Variants in ARHGAP20 observed in about 807,000 individuals in gnomAD.
ARHGAP20 encodes Rho GTPase activating protein 20.
A neutral mutation model predicts 73.7 loss-of-function variants in ARHGAP20; 34 were observed. The ratio of observed to expected loss-of-function variants is 0.46; its 90% CI spans 0.35 to 0.61. ARHGAP20 has a LOEUF of 0.61. Among genes scored for constraint, ARHGAP20 ranks in the 20% least tolerant of loss-of-function variants. The pLI is 0.00. For missense variants in ARHGAP20, 1,314 were observed against 1,420.9 expected (o/e 0.92, Z 1.21); for synonymous variants, 523 against 518.2 (o/e 1.01, Z -0.13).
intron 1 of ARHGAP20, among the ~76,000 whole-genome samples, chr11:110,699,823 G>A (rs1284011840): frequency 6.6e-6 from 1 of 151,752 alleles, no homozygotes; most frequent in Non-Finnish European, 1.5e-5. Context: ...GTCCTCCTTA[G>A]GGTTTTCACA....
chr11:110,709,101 G>C (rs750192736), intron 1 of ARHGAP20, among the ~76,000 whole-genome samples: 2 of 152,164 alleles, frequency 1.3e-5, no homozygotes, highest in East Asian at 1.9e-4. Flanking sequence ...TTCTCTAAAC[G>C]AAGTTTTATT....
chr11:110,649,201 C>CTTTTTTTT (rs869156175), intron 2 of ARHGAP20, among the ~76,000 whole-genome samples: 1 of 87,088 alleles, frequency 1.1e-5, no homozygotes, highest in East Asian at 3.1e-4. Flanking sequence ...ATTATTAAAC[C>CTTTTTTTT]TTTTTTTTTT....
At chr11:110,586,405 G>T (rs1308751228) in intron 11 of ARHGAP20, 80 bp from the exon 12 acceptor site, 1 of 868,834 alleles carries the variant, frequency 1.2e-6, no homozygotes, top group Admixed American at 2.7e-5. Context: ...AAGACATTTT[G>T]TTGAAAAGTT....
intron 3 of ARHGAP20, 58 bp downstream of exon 3, chr11:110,630,570 T>C (rs528310929): frequency 1.3e-6 from 2 of 1,513,726 alleles, no homozygotes; most frequent in African/African-American, 1.4e-5. Context: ...AGAAAGGGTA[T>C]CTTTGTTAGT....
chr11:110,700,211 G>T (rs929152162), intron 1 of ARHGAP20, among the ~76,000 whole-genome samples: 1 of 151,872 alleles, frequency 6.6e-6, no homozygotes, highest in Non-Finnish European at 1.5e-5. Flanking sequence ...TTCATGCTTT[G>T]TTTTGTTCCA....
At chr11:110,650,486 A>G (rs752566673) in intron 2 of ARHGAP20, among the ~76,000 whole-genome samples, 1 of 152,066 alleles carries the variant, frequency 6.6e-6, no homozygotes, top group Admixed American at 6.6e-5. Flanking sequence ...CAGTAACCCA[A>G]TGGAATACAG....
At chr11:110,658,533 C>A (rs1260009289) in intron 2 of ARHGAP20, among the ~76,000 whole-genome samples, 1 of 152,064 alleles carries the variant, frequency 6.6e-6, no homozygotes, top group Non-Finnish European at 1.5e-5. Flanking sequence ...ATAATTTATG[C>A]CTGACAAGTA....
chr11:110,588,501 A>G (rs1947732529), intron 11 of ARHGAP20, among the ~76,000 whole-genome samples: 1 of 152,248 alleles, frequency 6.6e-6, no homozygotes, highest in South Asian at 2.1e-4. Context: ...AAAGCTTAAG[A>G]ACTTTTGCTA....
At chr11:110,711,634 C>T in intron 1 of ARHGAP20, 1 of 1,481,850 alleles carries the variant, frequency 6.7e-7, no homozygotes, top group Non-Finnish European at 8.9e-7. Context: ...CCGAGCCCAC[C>T]AGCGCCGCAG....
chr11:110,638,578 A>G (rs1312769316), intron 2 of ARHGAP20, among the ~76,000 whole-genome samples: 1 of 151,866 alleles, frequency 6.6e-6, no homozygotes, highest in East Asian at 1.9e-4. Flanking sequence ...TAATACATTG[A>G]TTTACTGGGG....
In ARHGAP20 at chr11:110,579,368, G is replaced by C; in HGVS notation, c.*2C>G. On this transcript the variant is annotated 3_prime_UTR_variant, in exon 15 of 15. Transcript: ENST00000683387. Reference sequence around the variant, plus strand: ...CTTGTGGACATCAGATTCTTACTATGCTTAAATGTCTTTGGTTAAATACCT... The same window carrying C: ...CTTGTGGACATCAGATTCTTACTATCCTTAAATGTCTTTGGTTAAATACCT... 4 of 1,582,820 alleles carry C rather than the reference G, an allele frequency of 2.5e-6. No homozygotes were observed. The highest frequency in any genetic ancestry group is 2.6e-6 in the Non-Finnish European group (3 of 1,158,098).
At position 110,712,408 on chromosome 11, in the gene ARHGAP20, C is replaced by A; in HGVS notation, c.-177G>T. On this transcript the variant is annotated 5_prime_UTR_variant, in exon 1 of 15. Transcript: ENST00000683387. ...CGTCGGGGCCATGTACCTCCGCCTG[C>A]GCTCGACACCGCGGGCTGGAGGCGA... The A allele has an allele frequency of 6.0e-6, 2 of 333,480 alleles. No homozygotes were observed. The highest frequency in any genetic ancestry group is 5.2e-5 in the Admixed American group (1 of 19,226). 20.7% of individuals were successfully genotyped at this position (333,480 alleles called of 1,614,324 possible).
rs1339352144 is a variant in ARHGAP20, at chr11:110,577,866, C to T, written c.*1504G>A. On this transcript the variant is annotated 3_prime_UTR_variant, in exon 15 of 15. Transcript: ENST00000683387. ...TTTTCCCCTATAACTGAAAATGCAA[C>T]CTTTAGAACAAAAAAGAAAGAACAT... is the stretch of plus-strand genomic sequence containing the variant. 6.1e-6 allele frequency: 6 copies of T among 985,458 alleles called. No individual in the cohort carries two copies. Among genetic ancestry groups the T allele is most frequent in the African/African-American group, 1.7e-5 (1 of 57,144 alleles). 61.0% of individuals were successfully genotyped at this position (985,458 alleles called of 1,614,324 possible). A position where few individuals can be genotyped will look rare whatever the true frequency, so the allele number is the denominator to read the frequency against.
chr11:110,621,397 CT>C (rs905195600), intron 4 of ARHGAP20, among the ~76,000 whole-genome samples: 1 of 151,830 alleles, frequency 6.6e-6, no homozygotes, highest in Admixed American at 6.6e-5. Context: ...GTATATTATA[CT>C]TTTTGATATA....
intron 2 of ARHGAP20, 144 bp downstream of exon 2, chr11:110,690,403 T>C (rs558258703): frequency 2.7e-6 from 2 of 737,794 alleles, no homozygotes; most frequent in Admixed American, 5.5e-5. Flanking sequence ...AGAACAAAAG[T>C]TGTATTTTCT....
At chr11:110,592,483 A>G (rs1947853287) in intron 9 of ARHGAP20, among the ~76,000 whole-genome samples, 1 of 152,224 alleles carries the variant, frequency 6.6e-6, no homozygotes, top group African/African-American at 2.4e-5. Flanking sequence ...AAAAGCAAAA[A>G]GCGTTTCATA....
intron 1 of ARHGAP20, among the ~76,000 whole-genome samples, chr11:110,697,503 A>G (rs1232998581): frequency 6.6e-6 from 1 of 151,758 alleles, no homozygotes. Flanking sequence ...CAATTTGTGA[A>G]TATTTTCTCC....
In ARHGAP20 at chr11:110,666,146, A is replaced by G. The variant is rs561723036; in HGVS notation, c.188+24401T>C. Reference sequence around the variant, plus strand: ...ACAACAGCATCAAACAATATAAAACACCTAAGAATTTGACAAAAATGTGCA... The same window carrying G: ...ACAACAGCATCAAACAATATAAAACGCCTAAGAATTTGACAAAAATGTGCA... On this transcript the variant is annotated intron_variant, in intron 2 of 14. Transcript: ENST00000683387. Among the ~76,000 whole-genome samples, 3 of 152,288 alleles carry G rather than the reference A, an allele frequency of 2.0e-5. No individual in the cohort carries two copies. The South Asian group carries it at 6.2e-4, about 32-fold the overall frequency.
At position 110,709,910 on chromosome 11, in the gene ARHGAP20, GT is replaced by G. The variant is rs549573259; in HGVS notation, c.105+2216del. Reference sequence around the variant, plus strand: ...TGGATCAAAGAAGGGCAAGAAAGGTGTTAGGCAAGTTAAGACATTTCTGCAA... The same window carrying G: ...TGGATCAAAGAAGGGCAAGAAAGGTGTAGGCAAGTTAAGACATTTCTGCAA... On this transcript the variant is annotated intron_variant, in intron 1 of 14. Coordinates refer to ENST00000683387, the MANE Select transcript of ARHGAP20 (RefSeq NM_001384657.1). Among the ~76,000 whole-genome samples, 333 of 152,364 alleles carry G rather than the reference GT, an allele frequency of 2.2e-3. 2 individuals carry two copies. The highest frequency in any genetic ancestry group is 7.6e-3 in the African/African-American group (315 of 41,588).
Sources: allele counts gnomAD v4.1 joint callset (sites outside exome capture counted in the v4.1 genomes callset), GRCh38; gene constraint gnomAD v4.1.1; transcripts MANE v1.5; gene names NCBI Gene and HGNC (gene_info 2026-07-23, HGNC 2026-07-21).